Variants in GTF2E2 observed in about 807,000 individuals in gnomAD.
The protein encoded by GTF2E2 is transcription initiation factor IIE subunit beta.
GTF2E2 carries 21 observed loss-of-function variants against 40.5 expected under a neutral mutation model. The ratio of observed to expected loss-of-function variants is 0.52; its 90% CI spans 0.37 to 0.75. GTF2E2 has a LOEUF of 0.75. Among genes scored for constraint, GTF2E2 ranks in the 30% least tolerant of loss-of-function variants. GTF2E2 has a pLI of 0.00. For synonymous variants in GTF2E2, 117 were observed against 121.6 expected, an observed-to-expected ratio of 0.96 and a Z score of 0.25; for missense variants, 298 against 338.4, an observed-to-expected ratio of 0.88 and a Z score of 0.94.
In GTF2E2 at chr8:30,578,333, C is replaced by T. The variant is rs1828416653; in HGVS notation, c.*588G>A. ...ACATTAACAATGACATCCAGCACAT[C>T]TTTATTGCTCTGCTTGCTAACAAGC... On this transcript the variant is annotated 3_prime_UTR_variant, in exon 8 of 8. Coordinates refer to ENST00000355904, the MANE Select transcript of GTF2E2 (RefSeq NM_002095.6). The T allele has an allele frequency of 6.6e-6, 1 of 152,268 alleles. No individual in the cohort carries two copies. Among genetic ancestry groups the T allele is most frequent in the Non-Finnish European group, 1.5e-5 (1 of 68,096 alleles). 9.4% of individuals were successfully genotyped at this position (152,268 alleles called of 1,614,324 possible). A position where few individuals can be genotyped will look rare whatever the true frequency, so the allele number is the denominator to read the frequency against.
intron 2 of GTF2E2, among the ~76,000 whole-genome samples, chr8:30,644,946 C>T (rs1022302511): frequency 2.0e-5 from 3 of 151,706 alleles, no homozygotes; most frequent in African/African-American, 4.8e-5. Context: ...AGACGGGTTT[C>T]GCCATGTTGA....
chr8:30,606,153 A>T (rs971581406), intron 6 of GTF2E2, among the ~76,000 whole-genome samples: 1 of 152,228 alleles, frequency 6.6e-6, no homozygotes, highest in Non-Finnish European at 1.5e-5. Flanking sequence ...AGAAACAACA[A>T]CATCAAAGAA....
intron 2 of GTF2E2, among the ~76,000 whole-genome samples, chr8:30,651,307 CAAA>C (rs1208071344): frequency 6.6e-6 from 1 of 151,218 alleles, no homozygotes; most frequent in Non-Finnish European, 1.5e-5. Context: ...GGAAACCACA[CAAA>C]AAACTACGAG....
intron 3 of GTF2E2, among the ~76,000 whole-genome samples, chr8:30,616,879 C>T (rs1447182172): frequency 6.6e-6 from 1 of 151,794 alleles, no homozygotes; most frequent in Non-Finnish European, 1.5e-5. Flanking sequence ...ACTATGAACC[C>T]TTGTATATAG....
intron 3 of GTF2E2, among the ~76,000 whole-genome samples, chr8:30,617,547 G>A (rs1289619161): frequency 6.6e-6 from 1 of 152,036 alleles, no homozygotes; most frequent in Non-Finnish European, 1.5e-5. Context: ...ATTGAGGCCA[G>A]CCTGGACAAC....
intron 6 of GTF2E2, among the ~76,000 whole-genome samples, chr8:30,596,458 C>G (rs976582161): frequency 5.9e-5 from 9 of 152,136 alleles, no homozygotes; most frequent in African/African-American, 1.9e-4. Flanking sequence ...TATTTTCTTA[C>G]AGTGTCTATC....
chr8:30,639,569 G>T (rs1801737855), intron 2 of GTF2E2, among the ~76,000 whole-genome samples: 1 of 152,002 alleles, frequency 6.6e-6, no homozygotes, highest in Non-Finnish European at 1.5e-5. Context: ...TTATCTTCGT[G>T]GCTCAGAGCA....
intron 6 of GTF2E2, among the ~76,000 whole-genome samples, chr8:30,600,318 G>A (rs1355010271): frequency 6.6e-6 from 1 of 152,140 alleles, no homozygotes; most frequent in South Asian, 2.1e-4. Context: ...AGGTTAAGTA[G>A]GATTAAAATG....
At position 30,653,592 on chromosome 8, in the gene GTF2E2, G is replaced by T. The variant is rs752353931; in HGVS notation, c.7C>A (p.Pro3Thr). 1 of 1,609,138 alleles carries T rather than the reference G, an allele frequency of 6.2e-7. No homozygotes were observed. Among genetic ancestry groups the T allele is most frequent in the Non-Finnish European group, 8.5e-7 (1 of 1,178,018 alleles). Residue 3 changes from proline to threonine, a missense_variant, in exon 2 of 8, where the codon CCA becomes ACA. Coordinates refer to ENST00000355904, the MANE Select transcript of GTF2E2 (RefSeq NM_002095.6). The part of the protein sequence containing the change: MD[P>T]SLLRERELFK... ...AGCTCCCTTTCTCTCAACAGGCTTG[G>T]ATCCATAATGCTACAAAGAAAAAAT... is the stretch of plus-strand genomic sequence containing the variant.
chr8:30,592,241 T>C (rs1164886688), intron 6 of GTF2E2, among the ~76,000 whole-genome samples: 2 of 152,100 alleles, frequency 1.3e-5, no homozygotes, highest in African/African-American at 4.8e-5. Flanking sequence ...TAGCCAGGCA[T>C]GGTGACACAC....
intron 6 of GTF2E2, among the ~76,000 whole-genome samples, chr8:30,582,388 C>A (rs1277756852): frequency 2.0e-5 from 3 of 152,216 alleles, no homozygotes; most frequent in African/African-American, 7.2e-5. Context: ...AAAAGGGTTA[C>A]AAAATGAGTA....
chr8:30,581,644 T>C (rs1170371846), intron 6 of GTF2E2, among the ~76,000 whole-genome samples: 3 of 152,208 alleles, frequency 2.0e-5, no homozygotes, highest in Non-Finnish European at 4.4e-5. Flanking sequence ...ATTTTTTAAT[T>C]TCCATAGATA....
chr8:30,620,044 A>G (rs1049261669), intron 3 of GTF2E2, among the ~76,000 whole-genome samples: 4 of 152,014 alleles, frequency 2.6e-5, no homozygotes, highest in Admixed American at 2.6e-4. Flanking sequence ...GCCTGTAGAA[A>G]CTGACAGAGT....
At chr8:30,581,917 C>T (rs1165570613) in intron 6 of GTF2E2, among the ~76,000 whole-genome samples, 1 of 152,226 alleles carries the variant, frequency 6.6e-6, no homozygotes, top group African/African-American at 2.4e-5. Context: ...CTGTCTACTA[C>T]AGCCTAGACA....
Position 30,606,961 on chromosome 8 carries a change from A to G in GTF2E2, c.643+96T>C, listed in dbSNP as rs1045790756. ...GAAATGATAATGCTAAAAAAGCAATATAAGATTTAAATTATAATTGTATTA... is the reference window on the plus strand; with the variant it reads ...GAAATGATAATGCTAAAAAAGCAATGTAAGATTTAAATTATAATTGTATTA... On this transcript the variant is annotated intron_variant, in intron 6 of 7. Coordinates refer to ENST00000355904, the MANE Select transcript of GTF2E2 (RefSeq NM_002095.6). The G allele has an allele frequency of 1.6e-5, 8 of 490,206 alleles. No homozygotes were observed. The East Asian group carries it at 2.2e-4, about 13-fold the overall frequency. 30.4% of individuals were successfully genotyped at this position (490,206 alleles called of 1,614,324 possible).
At chr8:30,624,084 C>T (rs960039442) in intron 3 of GTF2E2, among the ~76,000 whole-genome samples, 1 of 152,070 alleles carries the variant, frequency 6.6e-6, no homozygotes, top group Non-Finnish European at 1.5e-5. Flanking sequence ...GAAGTCCTTG[C>T]CCATGCCTAT....
chr8:30,598,748 T>C (rs552492001), intron 6 of GTF2E2, among the ~76,000 whole-genome samples: 1 of 152,204 alleles, frequency 6.6e-6, no homozygotes, highest in South Asian at 2.1e-4. Flanking sequence ...TCTCACAGAA[T>C]CTCAAATTTA....
intron 2 of GTF2E2, among the ~76,000 whole-genome samples, chr8:30,650,351 T>C (rs1802231397): frequency 6.6e-6 from 1 of 152,090 alleles, no homozygotes; most frequent in Non-Finnish European, 1.5e-5. Context: ...CTCATCTCAT[T>C]AGATACATAA....
intron 1 of GTF2E2, among the ~76,000 whole-genome samples, chr8:30,656,150 C>A (rs1406302126): frequency 6.6e-6 from 1 of 152,162 alleles, no homozygotes; most frequent in East Asian, 1.9e-4. Context: ...GCTAGGCAAC[C>A]CACAAGGCCT....
Sources: gnomAD v4.1 joint callset for allele counts (sites outside exome capture counted in the v4.1 genomes callset) on GRCh38, gnomAD v4.1.1 for gene constraint, MANE v1.5 for transcripts, NCBI Gene and HGNC (gene_info 2026-07-23, HGNC 2026-07-21) for gene names.